Variants in CSMD1 observed in about 807,000 individuals in gnomAD.
CSMD1 encodes CUB and sushi domain-containing protein 1.
CSMD1 carries 213 observed loss-of-function variants against 417.5 expected under a neutral mutation model. The ratio of observed to expected loss-of-function variants is 0.51; its 90% CI spans 0.46 to 0.57. The LOEUF is 0.57. Ranked by LOEUF, CSMD1 falls within the 20% of genes least tolerant of loss-of-function variation. CSMD1 has a pLI of 0.00. For missense variants in CSMD1, 6,923 were observed against 4,529.7 expected (o/e 1.53, Z -15.17); for synonymous variants, 2,862 against 1,736.8 (o/e 1.65, Z -16.11).
At chr8:4,822,447 A>C (rs1585159630) in intron 1 of CSMD1, among the ~76,000 whole-genome samples, 1 of 152,210 alleles carries the variant, frequency 6.6e-6, no homozygotes, top group East Asian at 1.9e-4. Flanking sequence ...AGGATTCCAA[A>C]AAATGTAAAC....
At chr8:4,200,791 G>C (rs1799601580) in intron 3 of CSMD1, among the ~76,000 whole-genome samples, 1 of 152,200 alleles carries the variant, frequency 6.6e-6, no homozygotes, top group Non-Finnish European at 1.5e-5. Flanking sequence ...AATGGAGACG[G>C]AGGCTTCAGT....
At chr8:4,633,101 G>C (rs751823973) in intron 2 of CSMD1, among the ~76,000 whole-genome samples, 8 of 152,162 alleles carry the variant, frequency 5.3e-5, no homozygotes, top group Non-Finnish European at 1.2e-4. Context: ...CCCGAGAGGG[G>C]AGCCTGGGGC....
intron 3 of CSMD1, among the ~76,000 whole-genome samples, chr8:4,376,369 C>T (rs10098163): frequency 0.91 from 138,367 of 152,260 alleles, 63,027 homozygotes; most frequent in African/African-American, 0.97. Flanking sequence ...GAAATACTTA[C>T]TGTGAGTAAC....
intron 1 of CSMD1, among the ~76,000 whole-genome samples, chr8:4,982,841 G>T (rs572230845): frequency 1.3e-5 from 2 of 152,128 alleles, no homozygotes; most frequent in Non-Finnish European, 2.9e-5. Flanking sequence ...TGCCCCTTCC[G>T]TGTCTCTTGT....
chr8:4,219,433 G>C (rs1038230935), intron 3 of CSMD1, among the ~76,000 whole-genome samples: 3 of 152,130 alleles, frequency 2.0e-5, no homozygotes, highest in African/African-American at 7.2e-5. Context: ...ATTGGGCTCT[G>C]ATCATAATTC....
chr8:3,161,790 C>G (rs1819914966), intron 38 of CSMD1, among the ~76,000 whole-genome samples: 1 of 152,082 alleles, frequency 6.6e-6, no homozygotes, highest in Admixed American at 6.6e-5. Context: ...ATGATGAGAA[C>G]AGTTTGCAGG....
At chr8:3,377,029 G>C (rs1202489736) in intron 18 of CSMD1, among the ~76,000 whole-genome samples, 2 of 152,184 alleles carry the variant, frequency 1.3e-5, no homozygotes, top group African/African-American at 2.4e-5. Context: ...TCTTTGTGGA[G>C]ACAGAGTCTT....
intron 1 of CSMD1, among the ~76,000 whole-genome samples, chr8:4,800,827 C>G (rs750014290): frequency 1.3e-4 from 20 of 152,226 alleles, no homozygotes; most frequent in Non-Finnish European, 2.8e-4. Context: ...GTGGTGGGTG[C>G]AGGGCACAAA....
chr8:3,740,486 C>T (rs73187277), intron 6 of CSMD1, among the ~76,000 whole-genome samples: 5,810 of 152,200 alleles, frequency 0.038, 136 homozygotes, highest in African/African-American at 0.051. Flanking sequence ...CATCCTTCTG[C>T]GGTAAAATAC....
intron 2 of CSMD1, among the ~76,000 whole-genome samples, chr8:4,464,561 G>T (rs1055072608): frequency 2.6e-5 from 4 of 152,120 alleles, no homozygotes. Flanking sequence ...CAGAATGGTC[G>T]TATGGGTACT....
At chr8:4,442,963 G>T (rs943023876) in intron 2 of CSMD1, among the ~76,000 whole-genome samples, 4 of 152,062 alleles carry the variant, frequency 2.6e-5, no homozygotes, top group East Asian at 1.9e-4. Context: ...AGCACCACAG[G>T]TATCTCCAAA....
chr8:4,756,776 G>A (rs919881674), intron 1 of CSMD1, among the ~76,000 whole-genome samples: 10 of 152,144 alleles, frequency 6.6e-5, no homozygotes, highest in Non-Finnish European at 1.2e-4. Flanking sequence ...GTCATCTTGG[G>A]CATTTTAGGT....
At chr8:3,515,649 A>G (rs1202591452) in intron 10 of CSMD1, among the ~76,000 whole-genome samples, 2 of 152,234 alleles carry the variant, frequency 1.3e-5, no homozygotes, top group Non-Finnish European at 2.9e-5. Context: ...AAATGTGGCC[A>G]ACTTGCAACA....
chr8:4,898,827 T>C (rs1469962968), intron 1 of CSMD1, among the ~76,000 whole-genome samples: 1 of 152,108 alleles, frequency 6.6e-6, no homozygotes, highest in Non-Finnish European at 1.5e-5. Context: ...TAATCAAAAG[T>C]TGTGGCAGGA....
At chr8:4,671,314 C>A (rs1007285402) in intron 1 of CSMD1, among the ~76,000 whole-genome samples, 4 of 152,030 alleles carry the variant, frequency 2.6e-5, no homozygotes, top group Non-Finnish European at 5.9e-5. Flanking sequence ...CATGGCAATT[C>A]TTTATTCTTG....
chr8:3,770,267 C>A (rs1026323229), intron 5 of CSMD1, among the ~76,000 whole-genome samples: 1 of 152,154 alleles, frequency 6.6e-6, no homozygotes, highest in African/African-American at 2.4e-5. Flanking sequence ...GTGTCTCATG[C>A]CTGTAATCCC....
At chr8:4,886,471 T>A (rs1482261093) in intron 1 of CSMD1, among the ~76,000 whole-genome samples, 1 of 152,050 alleles carries the variant, frequency 6.6e-6, no homozygotes, top group Non-Finnish European at 1.5e-5. Flanking sequence ...TTCTTTATGA[T>A]GTCTTTTTAG....
rs34094404 is a variant in CSMD1, at chr8:4,100,993, C to T, written c.416-68894G>A. On this transcript the variant is annotated intron_variant, in intron 3 of 69. Transcript: ENST00000635120. ...CAGCACAATACTGAAATCTGAACTGCGTAGTCCTAGAAATTCCCAATCCAC... is the reference window on the plus strand; with the variant it reads ...CAGCACAATACTGAAATCTGAACTGTGTAGTCCTAGAAATTCCCAATCCAC... 6.4e-3 allele frequency among the ~76,000 whole-genome samples: 967 copies of T among 152,210 alleles called. 14 individuals carry two copies. Among genetic ancestry groups the T allele is most frequent in the Non-Finnish European group, 6.0e-3 (406 of 68,022 alleles).
intron 10 of CSMD1, among the ~76,000 whole-genome samples, chr8:3,506,593 T>A (rs1796837909): frequency 6.6e-6 from 1 of 152,146 alleles, no homozygotes; most frequent in South Asian, 2.1e-4. Context: ...CCTCTAAATA[T>A]CTCTATGTCT....
Sources: allele counts gnomAD v4.1 joint callset (sites outside exome capture counted in the v4.1 genomes callset), GRCh38; gene constraint gnomAD v4.1.1; transcripts MANE v1.5; gene names NCBI Gene and HGNC (gene_info 2026-07-23, HGNC 2026-07-21).